Variants in COPS8 observed in about 807,000 individuals in gnomAD.
COPS8 encodes the protein COP9 signalosome subunit 8.
Under a neutral mutation model 31.5 loss-of-function variants are expected in COPS8, and 11 were observed. The ratio of observed to expected loss-of-function variants is 0.35; its 90% CI spans 0.22 to 0.58. The LOEUF (loss-of-function observed/expected upper bound fraction) is 0.58, where lower values mean the gene tolerates loss of function less well. Among genes scored for constraint, COPS8 ranks in the 20% least tolerant of loss-of-function variants. The pLI is 0.83. For synonymous variants in COPS8, 81 were observed against 89.3 expected (o/e 0.91, Z 0.52); for missense variants, 215 against 255.1 (o/e 0.84, Z 1.07).
intron 5 of COPS8, among the ~76,000 whole-genome samples, chr2:237,094,711 C>G (rs1696766115): frequency 6.6e-6 from 1 of 152,114 alleles, no homozygotes; most frequent in Non-Finnish European, 1.5e-5. Context: ...CACCTGTAAT[C>G]CCAGCACTTT....
chr2:237,090,831 G>A (rs1696694283), intron 4 of COPS8, among the ~76,000 whole-genome samples: 1 of 152,190 alleles, frequency 6.6e-6, no homozygotes, highest in Non-Finnish European at 1.5e-5. Context: ...AGAACAGGAG[G>A]CAGCTACTTT....
intron 4 of COPS8, 152 bp downstream of exon 4, chr2:237,090,146 T>C (rs1455427494): frequency 1.5e-6 from 1 of 646,432 alleles, no homozygotes; most frequent in African/African-American, 1.9e-5. Context: ...TTTGCCCTAA[T>C]CATGCTTCTT....
chr2:237,086,050 T>C lies in COPS8; in HGVS notation c.78+8T>C. 1 of 1,611,986 alleles carries C rather than the reference T, an allele frequency of 6.2e-7. No individual in the cohort carries two copies. Among genetic ancestry groups the C allele is most frequent in the Admixed American group, 1.7e-5 (1 of 59,930 alleles). ...GAGAACCAGGAGCTCGAGGTAACCC[T>C]TTGCGTCGCGCTGGGAGAAACTGCG... On this transcript the variant is annotated splice_region_variant and intron_variant, in intron 1 of 7. Transcript: ENST00000354371.
rs1696858977 is a variant in COPS8, at chr2:237,099,472, A to G, written c.*1730A>G. ...AAGGACAGAAAAAAATCTTAGACTA[A>G]TGAATGTGGTTTTTCATGATTAATT... is the stretch of plus-strand genomic sequence containing the variant. On this transcript the variant is annotated 3_prime_UTR_variant, in exon 8 of 8. Transcript: ENST00000354371. The G allele has an allele frequency of 6.6e-6, 1 of 152,174 alleles. No individual in the cohort carries two copies. The highest frequency in any genetic ancestry group is 2.4e-5 in the African/African-American group (1 of 41,442). The allele number at this position is 152,174 out of a possible 1,614,324, so 9.4% of individuals were successfully genotyped here. A position where few individuals can be genotyped will look rare whatever the true frequency, so the allele number is the denominator to read the frequency against.
Position 237,098,701 on chromosome 2 carries a change from A to G in COPS8, c.*959A>G, listed in dbSNP as rs922779537. ...TTTAACTGAATTCTTCAATTATTTC[A>G]TCTAAGATAGTTTCTGGAAATTTCA... On this transcript the variant is annotated 3_prime_UTR_variant, in exon 8 of 8. Transcript: ENST00000354371. 1.3e-5 allele frequency: 2 copies of G among 152,178 alleles called. No individual in the cohort carries two copies. The highest frequency in any genetic ancestry group is 1.3e-4 in the Admixed American group (2 of 15,268). The allele number at this position is 152,178 out of a possible 1,614,324, so 9.4% of individuals were successfully genotyped here.
intron 3 of COPS8, among the ~76,000 whole-genome samples, chr2:237,089,512 A>G (rs1448403325): frequency 6.6e-6 from 1 of 152,214 alleles, no homozygotes; most frequent in Non-Finnish European, 1.5e-5. Flanking sequence ...TATTCATAAT[A>G]TATCTATGAA....
intron 4 of COPS8, chr2:237,093,825 T>G: frequency 9.0e-7 from 1 of 1,109,508 alleles, no homozygotes; most frequent in South Asian, 3.9e-5. Flanking sequence ...GCCTTGTGTT[T>G]AGTAACCTTT....
rs11903547 is a variant in COPS8 at position 237,096,872 on chromosome 2, A to G, written c.550+3A>G. On this transcript the variant is annotated splice_donor_region_variant and intron_variant, in intron 7 of 7. Coordinates refer to ENST00000354371, the MANE Select transcript of COPS8 (RefSeq NM_006710.5). The stretch of plus-strand genomic sequence containing the variant: ...TAACAAGTTTATTCCCTTATCAGGT[A>G]TGTATTTTCATATGCACATTTTTTA... The G allele has an allele frequency of 0.011, 18,111 of 1,600,780 alleles. 1,550 individuals carry two copies. In the African/African-American group the frequency reaches 0.2, roughly 17 times the overall value.
intron 2 of COPS8, chr2:237,087,638 AACT>A (rs1173772563): frequency 8.4e-6 from 2 of 239,494 alleles, no homozygotes; most frequent in Non-Finnish European, 1.8e-5. Context: ...CAGAAAGCAT[AACT>A]ACTCTAGGCC....
chr2:237,089,361 TAAAG>T lies in COPS8; in HGVS notation c.199-498_199-495del, dbSNP rs140665209. On this transcript the variant is annotated intron_variant, in intron 3 of 7. Transcript: ENST00000354371. ...ATATTCCTCAGCTTCTTTGGCTAAA[TAAAG>T]AAGTACTATAAATCATGCACATAAG... is the stretch of plus-strand genomic sequence containing the variant. Among the ~76,000 whole-genome samples the T allele has an allele frequency of 4.5e-3, 680 of 152,310 alleles. 7 individuals carry two copies. The highest frequency in any genetic ancestry group is 0.015 in the African/African-American group (644 of 41,576).
chr2:237,096,380 TCA>T, intron 6 of COPS8, among the ~76,000 whole-genome samples: 1 of 152,204 alleles, frequency 6.6e-6, no homozygotes, highest in Middle Eastern at 3.4e-3. Flanking sequence ...TCCCAGCCCC[TCA>T]GTCTTCCTGT....
intron 1 of COPS8, 95 bp from the exon 2 acceptor site, chr2:237,087,032 T>A: frequency 2.6e-6 from 2 of 761,382 alleles, no homozygotes; most frequent in Admixed American, 6.2e-5. Flanking sequence ...AAATTAGCAT[T>A]TATAAAATAT....
rs899278376 is a variant in COPS8 at position 237,095,746 on chromosome 2, A to G, written c.440-76A>G. 54 of 946,600 alleles carry G rather than the reference A, an allele frequency of 5.7e-5. No individual in the cohort carries two copies. In the East Asian group the frequency reaches 1.3e-3, roughly 22 times the overall value. The allele number at this position is 946,600 out of a possible 1,614,324, so 58.6% of individuals were successfully genotyped here. A position where few individuals can be genotyped will look rare whatever the true frequency, so the allele number is the denominator to read the frequency against. ...AACACATCAGGTCTTCTGTACAACT[A>G]ATGTCATGGACAAGTTGTGGATTTT... On this transcript the variant is annotated intron_variant, in intron 5 of 7. Transcript: ENST00000354371.
intron 5 of COPS8, among the ~76,000 whole-genome samples, chr2:237,095,057 C>T (rs79148770): frequency 0.01 from 1,532 of 152,272 alleles, 27 homozygotes; most frequent in African/African-American, 0.035. Context: ...AGCACCATCA[C>T]GCACTACATC....
At chr2:237,090,134 G>T in intron 4 of COPS8, 140 bp downstream of exon 4, 1 of 757,092 alleles carries the variant, frequency 1.3e-6, no homozygotes, top group South Asian at 3.2e-5. Flanking sequence ...GAATTTTTTA[G>T]ATTTGCCCTA....
intron 5 of COPS8, among the ~76,000 whole-genome samples, chr2:237,094,781 A>G (rs1030658416): frequency 6.6e-6 from 1 of 152,096 alleles, no homozygotes; most frequent in Admixed American, 6.6e-5. Flanking sequence ...CCTGGCCAAC[A>G]TGGTGAAAGC....
At chr2:237,094,955 G>A (rs1025332744) in intron 5 of COPS8, among the ~76,000 whole-genome samples, 2 of 152,096 alleles carry the variant, frequency 1.3e-5, no homozygotes, top group Non-Finnish European at 2.9e-5. Flanking sequence ...AACACAGTGA[G>A]ATTCCATATC....
rs1015532899 is a variant in COPS8, at chr2:237,099,628, G to A, written c.*1886G>A. On this transcript the variant is annotated 3_prime_UTR_variant, in exon 8 of 8. Transcript: ENST00000354371. ...TATGCTTTATTTTTCTTTGTAAACA[G>A]TAAATATTTCCCACTCCTGTCTACA... 3.9e-5 allele frequency: 6 copies of A among 152,122 alleles called. No homozygotes were observed. The highest frequency in any genetic ancestry group is 1.2e-4 in the African/African-American group (5 of 41,436). The allele number at this position is 152,122 out of a possible 1,614,324, so 9.4% of individuals were successfully genotyped here. A position where few individuals can be genotyped will look rare whatever the true frequency, so the allele number is the denominator to read the frequency against.
Position 237,088,701 on chromosome 2 carries a change from C to A in COPS8, c.198+48C>A, listed in dbSNP as rs1399650527. The stretch of plus-strand genomic sequence containing the variant: ...TTACTGCTTTAATGTAATGACATTC[C>A]CTTAAATGGCAACCTTTTATAAGCT... On this transcript the variant is annotated intron_variant, in intron 3 of 7. Coordinates refer to ENST00000354371, the MANE Select transcript of COPS8 (RefSeq NM_006710.5). 8 of 1,199,312 alleles carry A rather than the reference C, an allele frequency of 6.7e-6. No individual in the cohort carries two copies. In the Admixed American group the frequency reaches 1.5e-4, roughly 23 times the overall value. The allele number at this position is 1,199,312 out of a possible 1,614,324, so 74.3% of individuals were successfully genotyped here. A position where few individuals can be genotyped will look rare whatever the true frequency, so the allele number is the denominator to read the frequency against.
Sources: allele counts gnomAD v4.1 joint callset (sites outside exome capture counted in the v4.1 genomes callset), GRCh38; gene constraint gnomAD v4.1.1; transcripts MANE v1.5; gene names NCBI Gene and HGNC (gene_info 2026-07-23, HGNC 2026-07-21).